The following RMDN2 variants were observed in gnomAD, a reference collection of about 807,000 sequenced individuals.
RMDN2 encodes regulator of microtubule dynamics 2.
In RMDN2, 61 loss-of-function variants were observed where a neutral mutation model predicts 52.8. That is an observed-to-expected ratio of 1.16 (90% CI 0.94 to 1.43). RMDN2 has a LOEUF of 1.43. Among genes scored for constraint, RMDN2 ranks in the 40% most tolerant of loss-of-function variants. The probability of loss-of-function intolerance (pLI) is 0.00; values close to 1 mark genes in which losing one functional copy is unlikely to be tolerated. For synonymous variants in RMDN2, 180 were observed against 153.1 expected, an observed-to-expected ratio of 1.18 and a Z score of -1.30; for missense variants, 592 against 475.3, an observed-to-expected ratio of 1.25 and a Z score of -2.28.
chr2:37,958,728 G>T (rs1267212469), intron 2 of RMDN2, among the ~76,000 whole-genome samples: 2 of 150,832 alleles, frequency 1.3e-5, no homozygotes, highest in African/African-American at 5.0e-5. Context: ...GTTTCAAAGG[G>T]AATGCTTCCA....
chr2:38,020,797 C>T (rs1242913424), downstream of RMDN2, among the ~76,000 whole-genome samples: 1 of 152,156 alleles, frequency 6.6e-6, no homozygotes. Flanking sequence ...CCTCCCCCGC[C>T]TCCTTGGGCT....
intron 10 of RMDN2, among the ~76,000 whole-genome samples, chr2:38,065,053 G>C (rs924304776): frequency 6.6e-6 from 1 of 152,122 alleles, no homozygotes; most frequent in Admixed American, 6.5e-5. Flanking sequence ...GCTGTTCCTC[G>C]CTGCATCATT....
intron 10 of RMDN2, among the ~76,000 whole-genome samples, chr2:38,049,218 G>A (rs1681448777): frequency 6.6e-6 from 1 of 152,154 alleles, no homozygotes; most frequent in African/African-American, 2.4e-5. Flanking sequence ...ACCTCATTAG[G>A]AGCCTTCCTC....
At chr2:37,955,846 A>G (rs1439825376) in intron 2 of RMDN2, among the ~76,000 whole-genome samples, 2 of 152,128 alleles carry the variant, frequency 1.3e-5, no homozygotes, top group Non-Finnish European at 1.5e-5. Flanking sequence ...TAATACAGGT[A>G]TATTACATTG....
chr2:37,927,527 T>C (rs1417051574), intron 1 of RMDN2, among the ~76,000 whole-genome samples: 1 of 152,262 alleles, frequency 6.6e-6, no homozygotes, highest in Admixed American at 6.5e-5. Flanking sequence ...TTTTTACTTC[T>C]ACTTATTTGC....
chr2:37,984,614 A>G (rs1439319580), intron 5 of RMDN2, among the ~76,000 whole-genome samples: 4 of 152,194 alleles, frequency 2.6e-5, no homozygotes, highest in African/African-American at 9.7e-5. Context: ...TTTTCATAGT[A>G]TAAACAGCAT....
At chr2:38,016,474 C>T (rs1377685240) in intron 10 of RMDN2, among the ~76,000 whole-genome samples, 1 of 152,154 alleles carries the variant, frequency 6.6e-6, no homozygotes, top group Non-Finnish European at 1.5e-5. Flanking sequence ...CTTCAGTGAC[C>T]ATTTATCCTT....
intron 10 of RMDN2, among the ~76,000 whole-genome samples, chr2:38,012,265 G>A (rs921947538): frequency 3.9e-5 from 6 of 152,092 alleles, no homozygotes; most frequent in Non-Finnish European, 7.4e-5. Context: ...CTTCCTTGAC[G>A]CCTGCTGGCA....
At chr2:37,921,716 G>A (rs1265147662), upstream of RMDN2, among the ~76,000 whole-genome samples, 1 of 152,082 alleles carries the variant, frequency 6.6e-6, no homozygotes, top group East Asian at 1.9e-4. Flanking sequence ...GATGGGCTGG[G>A]TTAAGAGAAA....
intron 2 of RMDN2, among the ~76,000 whole-genome samples, chr2:37,958,424 A>C (rs909429248): frequency 6.9e-6 from 1 of 145,658 alleles, no homozygotes; most frequent in Non-Finnish European, 1.5e-5. Flanking sequence ...ATGGGAGTTC[A>C]CTCATGATTT....
chr2:37,946,763 T>C (rs1477347516), intron 2 of RMDN2, among the ~76,000 whole-genome samples: 1 of 152,144 alleles, frequency 6.6e-6, no homozygotes, highest in Non-Finnish European at 1.5e-5. Flanking sequence ...GTAAGAACCC[T>C]GGTGATTGAA....
At chr2:38,044,890 C>A (rs4670232) in intron 10 of RMDN2, among the ~76,000 whole-genome samples, 2 of 151,892 alleles carry the variant, frequency 1.3e-5, no homozygotes, top group Admixed American at 6.6e-5. Flanking sequence ...AAGTAAAACC[C>A]TAATCCTAGT....
At chr2:37,958,392 A>G (rs142981439) in intron 2 of RMDN2, among the ~76,000 whole-genome samples, 2 of 143,878 alleles carry the variant, frequency 1.4e-5, no homozygotes, top group Non-Finnish European at 2.9e-5. Flanking sequence ...TAGGTATTTT[A>G]TTCTATTTGT....
At position 37,975,195 on chromosome 2, in the gene RMDN2, C is replaced by G. The variant is rs1484881926; in HGVS notation, c.628-17C>G. 2.7e-6 allele frequency: 4 copies of G among 1,464,616 alleles called. No homozygotes were observed. In the South Asian group the frequency reaches 3.4e-5, roughly 13 times the overall value. The allele number at this position is 1,464,616 out of a possible 1,614,324, so 90.7% of individuals were successfully genotyped here. ...TACCAAGTTAATTTAACAGGCAACT[C>G]CATCTTTTCTTTTCAGTTTAGAGAT... is the stretch of plus-strand genomic sequence containing the variant. On this transcript the variant is annotated splice_polypyrimidine_tract_variant and intron_variant, in intron 3 of 10. Coordinates refer to ENST00000354545, the MANE Select transcript of RMDN2 (RefSeq NM_001170791.3).
At chr2:38,040,596 C>T (rs549151006) in intron 10 of RMDN2, among the ~76,000 whole-genome samples, 11 of 152,298 alleles carry the variant, frequency 7.2e-5, no homozygotes, top group African/African-American at 1.7e-4. Context: ...TTATAAATTA[C>T]GAGTCTAAGG....
chr2:37,921,240 T>A (rs1439211221), upstream of RMDN2, among the ~76,000 whole-genome samples: 1 of 152,250 alleles, frequency 6.6e-6, no homozygotes, highest in Non-Finnish European at 1.5e-5. Flanking sequence ...CACTAATCAC[T>A]TAGTCTATGG....
intron 5 of RMDN2, 42 bp from the exon 6 acceptor site, chr2:37,989,499 T>G (rs1214921035): frequency 7.5e-7 from 1 of 1,337,246 alleles, no homozygotes; most frequent in South Asian, 1.3e-5. Flanking sequence ...GTTAAAAATT[T>G]ACACAGTGGC....
At chr2:37,978,093 C>CA (rs1672783428) in intron 4 of RMDN2, among the ~76,000 whole-genome samples, 1 of 152,192 alleles carries the variant, frequency 6.6e-6, no homozygotes, top group Non-Finnish European at 1.5e-5. Flanking sequence ...CCGAGGCTGG[C>CA]AGATCACTCG....
At chr2:38,061,795 T>C (rs1573256959) in intron 10 of RMDN2, among the ~76,000 whole-genome samples, 1 of 152,226 alleles carries the variant, frequency 6.6e-6, no homozygotes, top group African/African-American at 2.4e-5. Flanking sequence ...AGTGTCTGCC[T>C]ACTAATAGGT....
Sources: allele counts gnomAD v4.1 joint callset (sites outside exome capture counted in the v4.1 genomes callset), GRCh38; gene constraint gnomAD v4.1.1; transcripts MANE v1.5; gene names NCBI Gene and HGNC (gene_info 2026-07-23, HGNC 2026-07-21).